Variants in IRF3 observed in about 807,000 individuals in gnomAD.
IRF3 encodes the protein interferon regulatory factor 3.
IRF3 carries 29 observed loss-of-function variants against 43.2 expected under a neutral mutation model. That is an observed-to-expected ratio of 0.67 (90% CI 0.50 to 0.91). The LOEUF is 0.91. IRF3 is among the 40% of genes least tolerant of loss of function. The pLI is 0.00. For missense variants in IRF3, 505 were observed against 559.1 expected (o/e 0.90, Z 0.98); for synonymous variants, 228 against 233.9 (o/e 0.97, Z 0.23).
At chr19:49,663,311 C>T in intron 3 of IRF3, 32 bp downstream of exon 3, 1 of 1,614,122 alleles carries the variant, frequency 6.2e-7, no homozygotes, top group Admixed American at 1.7e-5. Context: ...CTTGGGGCCC[C>T]AGCCTCCCAC....
At chr19:49,663,044 G>C in intron 4 of IRF3, 144 bp downstream of exon 4, 1 of 760,780 alleles carries the variant, frequency 1.3e-6, no homozygotes, top group Non-Finnish European at 2.3e-6. Context: ...GAGGAGACCG[G>C]GGCAGGGACA....
intron 6 of IRF3, chr19:49,661,044 G>A (rs2081305708): frequency 1.8e-6 from 1 of 552,542 alleles, no homozygotes; most frequent in Admixed American, 3.4e-5. Flanking sequence ...AAGCCCCCAA[G>A]CCTCAGCATT....
intron 6 of IRF3, 130 bp downstream of exon 6, chr19:49,661,804 CTCCTGAACTTGTCA>C (rs1421394364): frequency 1.0e-6 from 1 of 963,198 alleles, no homozygotes; most frequent in Non-Finnish European, 1.5e-6. Flanking sequence ...TGGTCTCGAA[CTCCTGAACTTGTCA>C]TCTGCCCACC....
chr19:49,660,964 G>T, intron 6 of IRF3, 136 bp from the exon 7 acceptor site: 1 of 1,042,800 alleles, frequency 9.6e-7, no homozygotes, highest in Non-Finnish European at 1.3e-6. Context: ...CTGCTTGTTT[G>T]GGGAAAGTCC....
In IRF3 at chr19:49,665,622, C is replaced by T; in HGVS notation, c.-9+9G>A. 5 of 643,574 alleles carry T rather than the reference C, an allele frequency of 7.8e-6. No individual in the cohort carries two copies. Among genetic ancestry groups the T allele is most frequent in the East Asian group, 2.8e-5 (1 of 35,278 alleles). 39.9% of individuals were successfully genotyped at this position (643,574 alleles called of 1,614,324 possible). ...GCCACCAACGCTCTCCCGGGCTCTTCCGCGTTACCTACGATGGAAGGTCGG... is the reference window on the plus strand; with the variant it reads ...GCCACCAACGCTCTCCCGGGCTCTTTCGCGTTACCTACGATGGAAGGTCGG... On this transcript the variant is annotated intron_variant, in intron 1 of 7. Transcript: ENST00000377139.
At chr19:49,662,716 C>T (rs944058762) in intron 4 of IRF3, 99 bp from the exon 5 acceptor site, 3 of 1,012,920 alleles carry the variant, frequency 3.0e-6, no homozygotes. Flanking sequence ...GGAGGTCAGG[C>T]TTGAGCTCTG....
At chr19:49,661,927 C>T (rs1254163357) in intron 6 of IRF3, 21 bp downstream of exon 6, 4 of 1,587,172 alleles carry the variant, frequency 2.5e-6, no homozygotes, top group East Asian at 2.2e-5. Flanking sequence ...CTGGCCAGGT[C>T]GAAGCCCCTG....
rs2081683748 is a variant in IRF3, at chr19:49,665,630, C to T, written c.-9+1G>A. The T allele has an allele frequency of 4.4e-6, 3 of 676,330 alleles. No homozygotes were observed. Among genetic ancestry groups the T allele is most frequent in the African/African-American group, 1.8e-5 (1 of 55,508 alleles). 41.9% of individuals were successfully genotyped at this position (676,330 alleles called of 1,614,324 possible). A position where few individuals can be genotyped will look rare whatever the true frequency, so the allele number is the denominator to read the frequency against. ...CGCTCTCCCGGGCTCTTCCGCGTTA[C>T]CTACGATGGAAGGTCGGGGCGTGCG... On this transcript the variant is annotated splice_donor_variant, in intron 1 of 7. Coordinates refer to ENST00000377139, the MANE Select transcript of IRF3 (RefSeq NM_001571.6). LOFTEE classifies it low-confidence loss of function (5UTR_SPLICE).
intron 7 of IRF3, 146 bp from the exon 8 acceptor site, chr19:49,659,979 A>T: frequency 8.9e-6 from 5 of 562,916 alleles, no homozygotes; most frequent in East Asian, 3.2e-5. Flanking sequence ...TGGGAGTTGT[A>T]GTTTTACACA....
chr19:49,660,743 C>T lies in IRF3; in HGVS notation c.1068G>A (p.Gln356=), dbSNP rs770954364. ...FCVGESWPQD[Q]PWTKRLVMVK... ...CCATCACGAGCCTCTTGGTCCACGG[C>T]TGGTCCTGGGGCCATGACTCCCCCA... Residue 356 remains glutamine, a synonymous_variant, in exon 7 of 8, where the codon CAG becomes CAA. Transcript: ENST00000377139. The T allele has an allele frequency of 5.6e-6, 9 of 1,609,350 alleles. No individual in the cohort carries two copies. The highest frequency in any genetic ancestry group is 7.6e-6 in the Non-Finnish European group (9 of 1,178,208).
At chr19:49,661,209 C>T (rs761584094) in intron 6 of IRF3, among the ~76,000 whole-genome samples, 5 of 152,236 alleles carry the variant, frequency 3.3e-5, no homozygotes, top group South Asian at 2.1e-4. Context: ...CCAATTAAAA[C>T]GAATCACGTC....
intron 1 of IRF3, 74 bp from the exon 2 acceptor site, chr19:49,664,920 G>T: frequency 6.8e-7 from 1 of 1,468,218 alleles, no homozygotes; most frequent in Non-Finnish European, 9.1e-7. Context: ...TCCGCACCCA[G>T]ACCTCCTTCT....
chr19:49,662,414 C>A lies in IRF3; in HGVS notation c.601+11G>T, dbSNP rs764177091. Reference sequence around the variant, plus strand: ...AGACCTCAGCCCTCCCAGCCTGCAGCTGACACTCACCTTCCCCCGGCACCA... The same window carrying A: ...AGACCTCAGCCCTCCCAGCCTGCAGATGACACTCACCTTCCCCCGGCACCA... On this transcript the variant is annotated intron_variant, in intron 5 of 7. Coordinates refer to ENST00000377139, the MANE Select transcript of IRF3 (RefSeq NM_001571.6). 1 of 1,592,810 alleles carries A rather than the reference C, an allele frequency of 6.3e-7. No homozygotes were observed.
chr19:49,660,770 A>G lies in IRF3; in HGVS notation c.1041T>C (p.Cys347=), dbSNP rs1056082596. 29 of 1,611,140 alleles carry G rather than the reference A, an allele frequency of 1.8e-5. No homozygotes were observed. Among genetic ancestry groups the G allele is most frequent in the Non-Finnish European group, 2.3e-5 (27 of 1,178,950 alleles). ...GGTCCTGGGGCCATGACTCCCCCAC[A>G]CAGAACCAGAGGGCATAGCGTGGTG... ...GRSPRYALWF[C]VGESWPQDQP... The change falls in exon 7 of 8, where the codon TGT becomes TGC. Residue 347 remains cysteine, a synonymous_variant. Coordinates refer to ENST00000377139, the MANE Select transcript of IRF3 (RefSeq NM_001571.6).
rs764192287 is a variant in IRF3 at position 49,659,664 on chromosome 19, C to A, written c.1268G>T (p.Gly423Val). The change falls in exon 8 of 8, where the codon GGC becomes GTC. Residue 423 changes from glycine to valine, a missense_variant. Gly to Val is a moderately radical substitution (Grantham distance 109). Transcript: ENST00000377139. Reference protein sequence around the residue: ...QDLVEGMDFQGPGES With the variant: ...QDLVEGMDFQVPGES ...AGCGAGGGCTCAGCTCTCCCCAGGG[C>A]CCTGGAAATCCATGCCCTCCACCAA... 1 of 1,613,568 alleles carries A rather than the reference C, an allele frequency of 6.2e-7. No individual in the cohort carries two copies. Among genetic ancestry groups the A allele is most frequent in the East Asian group, 2.2e-5 (1 of 44,862 alleles).
In IRF3 at chr19:49,665,695, C is replaced by G; in HGVS notation, c.-73G>C. 7.8e-7 allele frequency: 1 copy of G among 1,287,000 alleles called. No homozygotes were observed. The allele number at this position is 1,287,000 out of a possible 1,614,324, so 79.7% of individuals were successfully genotyped here. A position where few individuals can be genotyped will look rare whatever the true frequency, so the allele number is the denominator to read the frequency against. On this transcript the variant is annotated 5_prime_UTR_variant, in exon 1 of 8. Coordinates refer to ENST00000377139, the MANE Select transcript of IRF3 (RefSeq NM_001571.6). The stretch of plus-strand genomic sequence containing the variant: ...ACCCCTGTCTTGGAGCTCCGGGTAG[C>G]TCTCAAACTCGAGGCTGCGCACCCC...
At chr19:49,664,928 T>G (rs1213372272) in intron 1 of IRF3, 82 bp from the exon 2 acceptor site, 5 of 1,414,530 alleles carry the variant, frequency 3.5e-6, no homozygotes, top group Non-Finnish European at 4.7e-6. Flanking sequence ...CAGACCTCCT[T>G]CTCACGGGCC....
At position 49,663,529 on chromosome 19, in the gene IRF3, G is replaced by A. The variant is rs115470762; in HGVS notation, c.166-15C>T. 2.2e-4 allele frequency: 361 copies of A among 1,613,318 alleles called. 1 individual carries two copies. The African/African-American group carries it at 4.4e-3, about 19-fold the overall frequency. ...TCGGCCCAGGCCTGGGGCAACAGTG[G>A]TGTCAGGATGGTGGGGGAGGACGAC... On this transcript the variant is annotated splice_polypyrimidine_tract_variant and intron_variant, in intron 2 of 7. Coordinates refer to ENST00000377139, the MANE Select transcript of IRF3 (RefSeq NM_001571.6).
intron 7 of IRF3, among the ~76,000 whole-genome samples, chr19:49,660,070 T>C (rs1391855273): frequency 7.3e-6 from 1 of 137,114 alleles, no homozygotes; most frequent in African/African-American, 2.8e-5. Flanking sequence ...CTGCTGGGAG[T>C]TGTAGTTTTA....
Sources: allele counts gnomAD v4.1 joint callset (sites outside exome capture counted in the v4.1 genomes callset), GRCh38; gene constraint gnomAD v4.1.1; transcripts MANE v1.5; gene names NCBI Gene and HGNC (gene_info 2026-07-23, HGNC 2026-07-21).